Variants in SLC10A7 observed in about 807,000 individuals in gnomAD.
SLC10A7 encodes the protein solute carrier family 10 member 7, also known as sodium/bile acid cotransporter 7.
A neutral mutation model predicts 43.2 loss-of-function variants in SLC10A7; 29 were observed. The observed-to-expected ratio is 0.67, with a 90% CI of 0.50 to 0.92. The LOEUF (loss-of-function observed/expected upper bound fraction) is 0.92, where lower values mean the gene tolerates loss of function less well. SLC10A7 is among the 40% of genes least tolerant of loss of function. The pLI, the probability that SLC10A7 is intolerant of heterozygous loss-of-function variation, is 0.00. For missense variants in SLC10A7, 295 were observed against 403.2 expected (o/e 0.73, Z 2.30); for synonymous variants, 152 against 144.8 (o/e 1.05, Z -0.35).
intron 5 of SLC10A7, among the ~76,000 whole-genome samples, chr4:146,434,536 A>C (rs1379486857): frequency 6.6e-6 from 1 of 152,108 alleles, no homozygotes; most frequent in Non-Finnish European, 1.5e-5. Flanking sequence ...TGAGATGATA[A>C]CCTACTGCAT....
At chr4:146,279,415 G>A (rs1349649626) in intron 10 of SLC10A7, among the ~76,000 whole-genome samples, 1 of 152,100 alleles carries the variant, frequency 6.6e-6, no homozygotes, top group Non-Finnish European at 1.5e-5. Flanking sequence ...CTTTCTTGAC[G>A]AGATCTATTG....
At chr4:146,320,677 A>T (rs980951239) in intron 6 of SLC10A7, among the ~76,000 whole-genome samples, 4 of 152,068 alleles carry the variant, frequency 2.6e-5, no homozygotes, top group African/African-American at 9.7e-5. Flanking sequence ...CTATGTGAAT[A>T]CTGAAAATAC....
chr4:146,411,833 A>G (rs1304829594), intron 5 of SLC10A7, among the ~76,000 whole-genome samples: 3 of 152,182 alleles, frequency 2.0e-5, no homozygotes, highest in African/African-American at 7.2e-5. Context: ...TAAGTCATGC[A>G]TTTGCTGGAA....
At chr4:146,467,635 A>G (rs1733165735) in intron 4 of SLC10A7, among the ~76,000 whole-genome samples, 2 of 136,834 alleles carry the variant, frequency 1.5e-5, no homozygotes, top group South Asian at 4.5e-4. Context: ...CAGTCTCAGC[A>G]TACTGCAATC....
intron 10 of SLC10A7, 22 bp downstream of exon 10, chr4:146,283,170 T>A (rs1432444743): frequency 6.3e-7 from 1 of 1,594,262 alleles, no homozygotes; most frequent in Admixed American, 1.7e-5. Flanking sequence ...ATAGGTGGTT[T>A]TTAACTCTGT....
intron 5 of SLC10A7, among the ~76,000 whole-genome samples, chr4:146,398,851 A>G (rs1739019174): frequency 6.6e-6 from 1 of 152,236 alleles, no homozygotes; most frequent in Admixed American, 6.5e-5. Context: ...GCTGAATCCT[A>G]GAAAAATGGT....
intron 5 of SLC10A7, chr4:146,441,583 A>G (rs1730606806): frequency 1.4e-6 from 1 of 719,504 alleles, no homozygotes; most frequent in African/African-American, 1.9e-5. Flanking sequence ...AACAATTGTG[A>G]CAACGTATAG....
intron 9 of SLC10A7, among the ~76,000 whole-genome samples, chr4:146,289,913 G>C (rs1295327079): frequency 6.7e-6 from 1 of 149,576 alleles, no homozygotes; most frequent in African/African-American, 2.4e-5. Flanking sequence ...ATGGGATTTC[G>C]CCATGTTGGC....
At chr4:146,434,179 T>C (rs1167860689) in intron 5 of SLC10A7, among the ~76,000 whole-genome samples, 1 of 152,150 alleles carries the variant, frequency 6.6e-6, no homozygotes, top group African/African-American at 2.4e-5. Context: ...CTATACAACG[T>C]AATATCAGTT....
At chr4:146,331,482 T>C (rs1405963663) in intron 5 of SLC10A7, among the ~76,000 whole-genome samples, 1 of 152,186 alleles carries the variant, frequency 6.6e-6, no homozygotes, top group Non-Finnish European at 1.5e-5. Flanking sequence ...GCCAGTTTTG[T>C]CTCTAATTTA....
intron 6 of SLC10A7, among the ~76,000 whole-genome samples, chr4:146,315,484 A>G (rs1001203543): frequency 1.3e-5 from 2 of 152,178 alleles, no homozygotes; most frequent in Non-Finnish European, 2.9e-5. Flanking sequence ...CTGAAGTAAG[A>G]AAGAGATCCA....
intron 5 of SLC10A7, among the ~76,000 whole-genome samples, chr4:146,386,779 C>T (rs1266218813): frequency 6.6e-6 from 1 of 152,118 alleles, no homozygotes; most frequent in South Asian, 2.1e-4. Flanking sequence ...GTTATATGTG[C>T]CTCTTTTTAT....
At chr4:146,434,750 G>C (rs1187011211) in intron 5 of SLC10A7, among the ~76,000 whole-genome samples, 1 of 152,084 alleles carries the variant, frequency 6.6e-6, no homozygotes, top group African/African-American at 2.4e-5. Flanking sequence ...TTTTAGTAGA[G>C]ACAGGGTTTC....
At chr4:146,327,345 G>A (rs1280002627) in intron 5 of SLC10A7, among the ~76,000 whole-genome samples, 2 of 152,164 alleles carry the variant, frequency 1.3e-5, no homozygotes, top group African/African-American at 4.8e-5. Context: ...TATTAAAACA[G>A]GTATTGTGGC....
At chr4:146,342,592 A>G (rs1734344383) in intron 5 of SLC10A7, among the ~76,000 whole-genome samples, 1 of 151,716 alleles carries the variant, frequency 6.6e-6, no homozygotes, top group Non-Finnish European at 1.5e-5. Context: ...TAGTACTATT[A>G]TTAAAATTTA....
chr4:146,353,898 A>G (rs1027780571), intron 5 of SLC10A7, among the ~76,000 whole-genome samples: 2 of 135,414 alleles, frequency 1.5e-5, no homozygotes, highest in Non-Finnish European at 3.1e-5. Context: ...CAAAAAAATA[A>G]GAGCTATCTA....
intron 4 of SLC10A7, among the ~76,000 whole-genome samples, chr4:146,450,794 T>G (rs1731513851): frequency 6.6e-6 from 1 of 152,016 alleles, no homozygotes; most frequent in Admixed American, 6.6e-5. Flanking sequence ...ACAAAACAGA[T>G]GAAGGGGCAG....
Position 146,452,304 on chromosome 4 carries a change from G to A in SLC10A7, c.397-9483C>T, listed in dbSNP as rs529670157. Among the ~76,000 whole-genome samples the A allele has an allele frequency of 3.3e-3, 501 of 152,058 alleles. 2 individuals carry two copies. The highest frequency in any genetic ancestry group is 0.011 in the African/African-American group (436 of 41,498). ...TACCCTAGAAAAGTTCTTCAACTAT[G>A]TGAATTTATATCCCATCAGGCTTTG... On this transcript the variant is annotated intron_variant, in intron 4 of 11. Coordinates refer to ENST00000335472, the MANE Select transcript of SLC10A7 (RefSeq NM_001029998.6).
At chr4:146,307,442 G>A (rs904038578) in intron 6 of SLC10A7, among the ~76,000 whole-genome samples, 1 of 152,096 alleles carries the variant, frequency 6.6e-6, no homozygotes, top group African/African-American at 2.4e-5. Flanking sequence ...TTCTTTTTAT[G>A]CAAAACCAAA....
Sources: allele counts gnomAD v4.1 joint callset (sites outside exome capture counted in the v4.1 genomes callset), GRCh38; gene constraint gnomAD v4.1.1; transcripts MANE v1.5; gene names NCBI Gene and HGNC (gene_info 2026-07-23, HGNC 2026-07-21).